The following ROBO2 variants were observed in gnomAD, a reference collection of about 807,000 sequenced individuals.
ROBO2 encodes the protein roundabout homolog 2.
Under a neutral mutation model 160.8 loss-of-function variants are expected in ROBO2, and 53 were observed. The ratio of observed to expected loss-of-function variants is 0.33; its 90% CI spans 0.26 to 0.41. The LOEUF (loss-of-function observed/expected upper bound fraction) is 0.41. ROBO2 is among the 10% of genes least tolerant of loss of function. The probability of loss-of-function intolerance (pLI) is 1.00; values close to 1 mark genes in which losing one functional copy is unlikely to be tolerated. For synonymous variants in ROBO2, 664 were observed against 611.7 expected (o/e 1.09, Z -1.26); for missense variants, 1,577 against 1,722.4 (o/e 0.92, Z 1.49).
rs570066686 is a variant in ROBO2 at position 77,094,002 on chromosome 3, C to T, written c.62-4012C>T. Reference sequence around the variant, plus strand: ...ATTGCTGGAGATATAATTCATATTCCACAAAATTTACCCAAAGTATAAAAT... The same window carrying T: ...ATTGCTGGAGATATAATTCATATTCTACAAAATTTACCCAAAGTATAAAAT... On this transcript the variant is annotated intron_variant, in intron 1 of 25. Transcript: ENST00000461745. 4.6e-5 allele frequency among the ~76,000 whole-genome samples: 7 copies of T among 152,180 alleles called. No individual in the cohort carries two copies. In the East Asian group the frequency reaches 1.3e-3, roughly 29 times the overall value.
chr3:76,434,635 C>A, intron 2 of ROBO2: 1 of 1,388,826 alleles, frequency 7.2e-7, no homozygotes, highest in Non-Finnish European at 1.0e-6. Flanking sequence ...GGGGCTGTGG[C>A]AAAAGAACTG....
chr3:76,184,389 A>G (rs1701645375), intron 2 of ROBO2, among the ~76,000 whole-genome samples: 1 of 152,126 alleles, frequency 6.6e-6, no homozygotes, highest in Non-Finnish European at 1.5e-5. Flanking sequence ...TAGACCCATG[A>G]CTGGCATATC....
chr3:76,194,353 A>AGTGT (rs1553672736), intron 2 of ROBO2, among the ~76,000 whole-genome samples: 18 of 94,524 alleles, frequency 1.9e-4, no homozygotes, highest in African/African-American at 6.9e-4. Flanking sequence ...ATGGTGTGTA[A>AGTGT]ATATATATAT....
chr3:77,051,217 A>C (rs1032590208), intron 1 of ROBO2, among the ~76,000 whole-genome samples: 7 of 152,274 alleles, frequency 4.6e-5, no homozygotes, highest in Non-Finnish European at 1.0e-4. Context: ...CACCTTTCTG[A>C]TTTGAAAGCC....
At chr3:77,317,192 G>C in intron 2 of ROBO2, 7 of 864,052 alleles carry the variant, frequency 8.1e-6, no homozygotes, top group Non-Finnish European at 1.2e-5. Flanking sequence ...AGAGCACCCC[G>C]GATGGAAGGC....
intron 23 of ROBO2, among the ~76,000 whole-genome samples, chr3:77,625,334 G>C (rs1265910515): frequency 6.6e-6 from 1 of 151,370 alleles, no homozygotes; most frequent in African/African-American, 2.4e-5. Flanking sequence ...AATAATAATA[G>C]GTAACACATA....
At chr3:77,521,436 T>C in intron 5 of ROBO2, among the ~76,000 whole-genome samples, 1 of 151,402 alleles carries the variant, frequency 6.6e-6, no homozygotes, top group Non-Finnish European at 1.5e-5. Flanking sequence ...ATTATTGCTG[T>C]AGCAATAAGT....
intron 2 of ROBO2, among the ~76,000 whole-genome samples, chr3:76,634,847 C>G (rs577503563): frequency 5.3e-5 from 8 of 152,322 alleles, no homozygotes; most frequent in African/African-American, 1.7e-4. Flanking sequence ...CGCAGCAGGC[C>G]CACAAGCATT....
At chr3:77,127,893 C>T (rs992677350) in intron 2 of ROBO2, among the ~76,000 whole-genome samples, 1 of 152,162 alleles carries the variant, frequency 6.6e-6, no homozygotes, top group Non-Finnish European at 1.5e-5. Context: ...ACCTTCCATT[C>T]AATCCTAGTT....
At chr3:77,090,323 C>CTTTTTTTTTTT (rs542280937) in intron 1 of ROBO2, among the ~76,000 whole-genome samples, 3 of 70,754 alleles carry the variant, frequency 4.2e-5, no homozygotes, top group African/African-American at 5.8e-5. Context: ...CTAAACCACT[C>CTTTTTTTTTTT]TTTTTTTTTT....
intron 2 of ROBO2, among the ~76,000 whole-genome samples, chr3:77,031,549 A>G (rs910783734): frequency 6.8e-6 from 1 of 146,370 alleles, no homozygotes; most frequent in Admixed American, 6.9e-5. Context: ...TATATTTAAT[A>G]ACATATTTTA....
chr3:76,603,332 CAAAAAAAAAAAAA>C (rs61547121), intron 2 of ROBO2, among the ~76,000 whole-genome samples: 4 of 66,514 alleles, frequency 6.0e-5, no homozygotes, highest in African/African-American at 8.2e-5. Flanking sequence ...ACTCCATCTC[CAAAAAAAAAAAAA>C]AAAAAAATAT....
At chr3:77,499,698 G>A (rs2087285217) in intron 5 of ROBO2, among the ~76,000 whole-genome samples, 2 of 146,940 alleles carry the variant, frequency 1.4e-5, no homozygotes, top group Admixed American at 1.4e-4. Flanking sequence ...ACCCATGCTG[G>A]AGTGCAGTGG....
intron 2 of ROBO2, among the ~76,000 whole-genome samples, chr3:76,758,491 CTT>C (rs2061114340): frequency 6.6e-6 from 1 of 151,760 alleles, no homozygotes; most frequent in South Asian, 2.1e-4. Context: ...CTTTACAACT[CTT>C]TTCAAATAAG....
chr3:77,090,321 C>T (rs539499852), intron 1 of ROBO2, among the ~76,000 whole-genome samples: 144 of 93,018 alleles, frequency 1.5e-3, no homozygotes, highest in African/African-American at 5.0e-3. Flanking sequence ...TTCTAAACCA[C>T]TCTTTTTTTT....
chr3:77,469,398 T>C (rs1377946564), intron 2 of ROBO2, among the ~76,000 whole-genome samples: 1 of 152,124 alleles, frequency 6.6e-6, no homozygotes, highest in South Asian at 2.1e-4. Flanking sequence ...GCTTTTTTCA[T>C]GTGCAGAGTA....
At chr3:76,528,234 G>A (rs1380119890) in intron 2 of ROBO2, among the ~76,000 whole-genome samples, 1 of 152,084 alleles carries the variant, frequency 6.6e-6, no homozygotes, top group African/African-American at 2.4e-5. Flanking sequence ...GCAGAGGAAT[G>A]ACCTAATGTC....
At position 76,824,981 on chromosome 3, in the gene ROBO2, T is replaced by C. The variant is rs758711598; in HGVS notation, c.110-273033T>C. 4.6e-4 allele frequency among the ~76,000 whole-genome samples: 70 copies of C among 152,178 alleles called. 1 individual carries two copies. The highest frequency in any genetic ancestry group is 1.5e-4 in the Non-Finnish European group (10 of 68,032). Reference sequence around the variant, plus strand: ...GCTGGGAAATTTCCAGCTTAGGAGCTCATGAAACTTATTAGGAAGCTTCTC... The same window carrying C: ...GCTGGGAAATTTCCAGCTTAGGAGCCCATGAAACTTATTAGGAAGCTTCTC... On this transcript the variant is annotated intron_variant, in intron 2 of 26. Transcript: ENST00000487694.
At chr3:76,988,346 A>G (rs1054853703) in intron 2 of ROBO2, among the ~76,000 whole-genome samples, 3 of 152,172 alleles carry the variant, frequency 2.0e-5, no homozygotes, top group Admixed American at 2.0e-4. Context: ...CACCAAAGTG[A>G]AGTAGTAAAT....
Sources: allele counts gnomAD v4.1 joint callset (sites outside exome capture counted in the v4.1 genomes callset), GRCh38; gene constraint gnomAD v4.1.1; transcripts MANE v1.5; gene names NCBI Gene and HGNC (gene_info 2026-07-23, HGNC 2026-07-21).